The following PDE3A variants were observed in gnomAD, a reference collection of about 807,000 sequenced individuals.
PDE3A encodes the protein phosphodiesterase 3A.
PDE3A carries 43 observed loss-of-function variants against 98.3 expected under a neutral mutation model. That is an observed-to-expected ratio of 0.44 (90% CI 0.34 to 0.56). The LOEUF (loss-of-function observed/expected upper bound fraction) is 0.56, where lower values mean the gene tolerates loss of function less well. Among genes scored for constraint, PDE3A ranks in the 20% least tolerant of loss-of-function variants. The pLI, the probability that PDE3A is intolerant of heterozygous loss-of-function variation, is 0.01. For missense variants in PDE3A, 1,427 were observed against 1,440.7 expected (o/e 0.99, Z 0.15); for synonymous variants, 663 against 567.9 (o/e 1.17, Z -2.38).
intron 1 of PDE3A, among the ~76,000 whole-genome samples, chr12:20,505,934 G>C (rs1177779342): frequency 6.6e-6 from 1 of 152,014 alleles, no homozygotes; most frequent in African/African-American, 2.4e-5. Flanking sequence ...CCATTGGTTA[G>C]TGCCCCCAAA....
At chr12:20,517,762 G>A (rs780576625) in intron 1 of PDE3A, among the ~76,000 whole-genome samples, 9 of 152,192 alleles carry the variant, frequency 5.9e-5, no homozygotes, top group Non-Finnish European at 1.2e-4. Flanking sequence ...GTCATGTGGG[G>A]CCATTTTCTC....
chr12:20,671,754 GC>G (rs1266191416), intron 15 of PDE3A, among the ~76,000 whole-genome samples: 1 of 138,498 alleles, frequency 7.2e-6, no homozygotes, highest in East Asian at 2.1e-4. Context: ...TACTGAATGG[GC>G]AAAAACTGGA....
rs184579660 is a variant in PDE3A at position 20,667,163 on chromosome 12, T to C, written c.3185-12867T>C. Among the ~76,000 whole-genome samples the C allele has an allele frequency of 2.5e-3, 374 of 152,312 alleles. 2 individuals are homozygous for C. Among genetic ancestry groups the C allele is most frequent in the African/African-American group, 8.5e-3 (355 of 41,586 alleles). ...TTAACTGTTGCTTGATTTTCTTGTATATTCTGGATATTAGTTCCTTGTTGT... is the reference window on the plus strand; with the variant it reads ...TTAACTGTTGCTTGATTTTCTTGTACATTCTGGATATTAGTTCCTTGTTGT... On this transcript the variant is annotated intron_variant, in intron 15 of 15. Transcript: ENST00000359062.
At chr12:20,659,852 A>G (rs1423537661) in intron 15 of PDE3A, among the ~76,000 whole-genome samples, 2 of 152,218 alleles carry the variant, frequency 1.3e-5, no homozygotes, top group Non-Finnish European at 2.9e-5. Flanking sequence ...TTACCTGGAA[A>G]TGTGGAACAA....
At chr12:20,634,030 A>G (rs1475432350) in intron 7 of PDE3A, among the ~76,000 whole-genome samples, 1 of 152,124 alleles carries the variant, frequency 6.6e-6, no homozygotes, top group African/African-American at 2.4e-5. Flanking sequence ...TTAAAAGGAC[A>G]AGGGAGAAAA....
intron 5 of PDE3A, among the ~76,000 whole-genome samples, chr12:20,628,014 T>G (rs1268268192): frequency 6.6e-6 from 1 of 152,206 alleles, no homozygotes; most frequent in Non-Finnish European, 1.5e-5. Flanking sequence ...TAATAGTATT[T>G]GTGAATATCG....
intron 6 of PDE3A, among the ~76,000 whole-genome samples, chr12:20,632,271 T>C (rs1944397811): frequency 1.3e-5 from 2 of 152,120 alleles, no homozygotes; most frequent in Non-Finnish European, 2.9e-5. Flanking sequence ...CTATTTACAC[T>C]CAAGGGTTGA....
intron 2 of PDE3A, among the ~76,000 whole-genome samples, chr12:20,580,253 G>C (rs1015052101): frequency 2.0e-5 from 3 of 152,106 alleles, no homozygotes; most frequent in African/African-American, 7.2e-5. Context: ...AGAAAGATTT[G>C]CTGGGTAATT....
intron 1 of PDE3A, among the ~76,000 whole-genome samples, chr12:20,420,534 G>GAA: frequency 6.6e-6 from 1 of 152,122 alleles, no homozygotes; most frequent in African/African-American, 2.4e-5. Flanking sequence ...TTAAGTTGGG[G>GAA]CAGGAAGTTT....
At chr12:20,428,018 C>T (rs1944629871) in intron 1 of PDE3A, among the ~76,000 whole-genome samples, 1 of 151,928 alleles carries the variant, frequency 6.6e-6, no homozygotes, top group African/African-American at 2.4e-5. Flanking sequence ...AATCCCACAT[C>T]GTTCAAGTCA....
chr12:20,647,134 C>T (rs1361706564), intron 12 of PDE3A, among the ~76,000 whole-genome samples, 184 bp downstream of exon 12: 1 of 152,118 alleles, frequency 6.6e-6, no homozygotes, highest in Non-Finnish European at 1.5e-5. Flanking sequence ...ATTCTAATAG[C>T]AGGTATACAA....
At chr12:20,669,893 A>T (rs1945425145) in intron 15 of PDE3A, among the ~76,000 whole-genome samples, 1 of 152,186 alleles carries the variant, frequency 6.6e-6, no homozygotes, top group East Asian at 1.9e-4. Flanking sequence ...CAATTAAAAG[A>T]CACAGACTGG....
chr12:20,631,700 A>ATTTTTTTTTTTT (rs58133440), intron 6 of PDE3A, among the ~76,000 whole-genome samples: 6 of 116,880 alleles, frequency 5.1e-5, no homozygotes, highest in Non-Finnish European at 7.3e-5. Flanking sequence ...ATCATAGTGT[A>ATTTTTTTTTTTT]TTTTTTTTTT....
At position 20,667,453 on chromosome 12, in the gene PDE3A, T is replaced by C. The variant is rs368705542; in HGVS notation, c.3185-12577T>C. Among the ~76,000 whole-genome samples the C allele has an allele frequency of 3.9e-4, 60 of 152,270 alleles. No homozygotes were observed. In the South Asian group the frequency reaches 0.01, roughly 26 times the overall value. Reference sequence around the variant, plus strand: ...TCTATCTTGAGTTGATTTTTGTATATAGTGAGAAATGGAGTCTAGTTTCAT... The same window carrying C: ...TCTATCTTGAGTTGATTTTTGTATACAGTGAGAAATGGAGTCTAGTTTCAT... On this transcript the variant is annotated intron_variant, in intron 15 of 15. Transcript: ENST00000359062.
intron 4 of PDE3A, among the ~76,000 whole-genome samples, chr12:20,616,980 G>GAAA (rs1944023007): frequency 6.6e-6 from 1 of 151,832 alleles, no homozygotes; most frequent in South Asian, 2.1e-4. Flanking sequence ...GAATCTTGAA[G>GAAA]AAAATAGCTA....
chr12:20,408,320 A>G (rs1208308556), intron 1 of PDE3A, among the ~76,000 whole-genome samples: 1 of 152,202 alleles, frequency 6.6e-6, no homozygotes, highest in African/African-American at 2.4e-5. Flanking sequence ...AATTTAAACA[A>G]GTGTTATTAG....
At chr12:20,570,407 CAAAAAAAAA>C (rs61242685) in intron 2 of PDE3A, among the ~76,000 whole-genome samples, 34 of 43,342 alleles carry the variant, frequency 7.8e-4, no homozygotes, top group African/African-American at 3.6e-3. Context: ...GACGCTGTCT[CAAAAAAAAA>C]AAAAAAAAAA....
At chr12:20,388,822 T>G (rs562855432) in intron 1 of PDE3A, among the ~76,000 whole-genome samples, 1 of 152,064 alleles carries the variant, frequency 6.6e-6, no homozygotes, top group Non-Finnish European at 1.5e-5. Context: ...AGGAACTTTA[T>G]ACATTTCCAT....
intron 1 of PDE3A, among the ~76,000 whole-genome samples, chr12:20,440,631 G>C (rs1480238135): frequency 2.0e-5 from 3 of 152,100 alleles, no homozygotes; most frequent in East Asian, 1.9e-4. Flanking sequence ...CTGGACAAAG[G>C]GTATCAAGGA....
Sources: gnomAD v4.1 joint callset for allele counts (sites outside exome capture counted in the v4.1 genomes callset) on GRCh38, gnomAD v4.1.1 for gene constraint, MANE v1.5 for transcripts, NCBI Gene and HGNC (gene_info 2026-07-23, HGNC 2026-07-21) for gene names.